The following ITGB1 variants were observed in gnomAD, a reference collection of about 807,000 sequenced individuals.
ITGB1 encodes the protein integrin subunit beta 1, also known as integrin beta-1.
ITGB1 carries 24 observed loss-of-function variants against 86.5 expected under a neutral mutation model. The observed-to-expected ratio is 0.28, with a 90% CI of 0.20 to 0.39. ITGB1 has a LOEUF of 0.39. Among genes scored for constraint, ITGB1 ranks in the 10% least tolerant of loss-of-function variants. ITGB1 has a pLI of 1.00. For synonymous variants in ITGB1, 323 were observed against 316.8 expected, an observed-to-expected ratio of 1.02 and a Z score of -0.21; for missense variants, 556 against 946.9, an observed-to-expected ratio of 0.59 and a Z score of 5.42.
intron 11 of ITGB1, among the ~76,000 whole-genome samples, chr10:32,914,395 T>TCAG (rs1269991448): frequency 6.6e-6 from 1 of 152,004 alleles, no homozygotes; most frequent in Non-Finnish European, 1.5e-5. Context: ...TCAAGACCCA[T>TCAG]CAGTGTGCTG....
chr10:32,944,603 C>A, intron 1 of ITGB1: 1 of 560,656 alleles, frequency 1.8e-6, no homozygotes, highest in South Asian at 1.6e-5. Context: ...CATGACTCAG[C>A]TGGCCCTATA....
chr10:32,928,403 A>G (rs1565826714), intron 4 of ITGB1, 139 bp from the exon 5 acceptor site: 1 of 548,530 alleles, frequency 1.8e-6, no homozygotes, highest in Non-Finnish European at 3.2e-6. Context: ...AAACCTGGGA[A>G]TTCCATAAGT....
At chr10:32,914,490 AC>A (rs536414533) in intron 11 of ITGB1, among the ~76,000 whole-genome samples, 164 of 152,318 alleles carry the variant, frequency 1.1e-3, no homozygotes, top group African/African-American at 3.8e-3. Context: ...CAAATGGAAA[AC>A]AAAAAAAGGC....
At chr10:32,903,747 A>C (rs1025205799) in intron 15 of ITGB1, among the ~76,000 whole-genome samples, 5 of 152,208 alleles carry the variant, frequency 3.3e-5, no homozygotes, top group Non-Finnish European at 7.3e-5. Flanking sequence ...TCCCAACTGA[A>C]GCTAATACAT....
intron 13 of ITGB1, among the ~76,000 whole-genome samples, chr10:32,911,132 A>G (rs2094911969): frequency 6.6e-6 from 1 of 152,270 alleles, no homozygotes; most frequent in African/African-American, 2.4e-5. Context: ...AAAGACAGTA[A>G]TTAAGAAATT....
At chr10:32,915,870 A>C (rs1270811800) in intron 11 of ITGB1, among the ~76,000 whole-genome samples, 1 of 152,192 alleles carries the variant, frequency 6.6e-6, no homozygotes, top group Non-Finnish European at 1.5e-5. Context: ...AAGAAAGAGA[A>C]TTTTAGACCA....
rs187826720 is a variant in ITGB1 at position 32,912,501 on chromosome 10, G to A, written c.1470-377C>T. On this transcript the variant is annotated intron_variant, in intron 11 of 15. Coordinates refer to ENST00000302278, the MANE Select transcript of ITGB1 (RefSeq NM_002211.4). ...GGAACACCAGAAGATTATATCCCGC[G>A]CCTGGCTCAGAGGGTCCCATGCCCA... 1.1e-4 allele frequency among the ~76,000 whole-genome samples: 17 copies of A among 152,290 alleles called. No individual in the cohort carries two copies. In the South Asian group the frequency reaches 1.7e-3, roughly 15 times the overall value.
At chr10:32,921,016 C>A (rs886990054) in intron 9 of ITGB1, among the ~76,000 whole-genome samples, 1 of 144,374 alleles carries the variant, frequency 6.9e-6, no homozygotes, top group African/African-American at 2.5e-5. Context: ...CAGAAACCCC[C>A]CAAAAAAAAA....
At chr10:32,902,388 A>G (rs2094884239) in intron 15 of ITGB1, among the ~76,000 whole-genome samples, 1 of 152,202 alleles carries the variant, frequency 6.6e-6, no homozygotes, top group South Asian at 2.1e-4. Context: ...TTAAGCAGAA[A>G]AAAACATATC....
intron 11 of ITGB1, among the ~76,000 whole-genome samples, chr10:32,912,501 G>T (rs187826720): frequency 6.6e-6 from 1 of 152,172 alleles, no homozygotes; most frequent in Non-Finnish European, 1.5e-5. Flanking sequence ...TATATCCCGC[G>T]CCTGGCTCAG....
intron 1 of ITGB1, among the ~76,000 whole-genome samples, chr10:32,939,519 C>T (rs543911293): frequency 1.4e-4 from 22 of 152,360 alleles, no homozygotes; most frequent in African/African-American, 5.3e-4. Flanking sequence ...TGCCCCTAGG[C>T]TACACACCTG....
At chr10:32,925,744 T>C (rs548926538) in intron 6 of ITGB1, 127 bp downstream of exon 6, 1 of 687,812 alleles carries the variant, frequency 1.5e-6, no homozygotes, top group Admixed American at 2.4e-5. Context: ...TACTTAAAAT[T>C]ACTTCTCTAA....
chr10:32,944,101 G>C (rs1449383551), intron 1 of ITGB1, among the ~76,000 whole-genome samples: 1 of 152,226 alleles, frequency 6.6e-6, no homozygotes, highest in Non-Finnish European at 1.5e-5. Flanking sequence ...AGAGGCACCT[G>C]AGGCAGCATG....
rs1161884718 is a variant in ITGB1, at chr10:32,952,026, T to G, written c.-1+6119A>C. On this transcript the variant is annotated intron_variant, in intron 1 of 15. Transcript: ENST00000302278. ...TTTTGACCACATCTTTTGTCACATC[T>G]TCCTCTCCATCCTGTCTGTGGTGGA... Among the ~76,000 whole-genome samples the G allele has an allele frequency of 7.2e-5, 11 of 152,328 alleles. No homozygotes were observed. The East Asian group carries it at 1.7e-3, about 24-fold the overall frequency.
intron 11 of ITGB1, among the ~76,000 whole-genome samples, chr10:32,919,049 C>A (rs2094940630): frequency 6.6e-6 from 1 of 152,090 alleles, no homozygotes; most frequent in African/African-American, 2.4e-5. Context: ...TGACATTTTA[C>A]TAAAAATGGA....
intron 11 of ITGB1, among the ~76,000 whole-genome samples, chr10:32,912,559 T>C (rs563776102): frequency 5.9e-5 from 9 of 152,308 alleles, no homozygotes; most frequent in African/African-American, 1.9e-4. Context: ...GGAGCCTCGC[T>C]CACTGCTAGC....
chr10:32,926,246 T>C, intron 5 of ITGB1, 137 bp from the exon 6 acceptor site: 3 of 665,942 alleles, frequency 4.5e-6, no homozygotes, highest in Middle Eastern at 3.7e-4. Flanking sequence ...TACCCCAAAA[T>C]TCCTACATTG....
chr10:32,914,846 A>T (rs1170513290), intron 11 of ITGB1, among the ~76,000 whole-genome samples: 1 of 152,178 alleles, frequency 6.6e-6, no homozygotes, highest in African/African-American at 2.4e-5. Context: ...CTCCATCCCA[A>T]AACAACAGAA....
At chr10:32,910,179 C>A in intron 14 of ITGB1, 44 bp downstream of exon 14, 1 of 1,412,400 alleles carries the variant, frequency 7.1e-7, no homozygotes, top group Non-Finnish European at 9.9e-7. Context: ...AGAAACAAGA[C>A]ATACAAGATA....
Sources: allele counts gnomAD v4.1 joint callset (sites outside exome capture counted in the v4.1 genomes callset), GRCh38; gene constraint gnomAD v4.1.1; transcripts MANE v1.5; gene names NCBI Gene and HGNC (gene_info 2026-07-23, HGNC 2026-07-21).